Variants in ADAP2 observed in about 807,000 individuals in gnomAD.
The protein encoded by ADAP2 is arf-GAP with dual PH domain-containing protein 2.
A neutral mutation model predicts 54.9 loss-of-function variants in ADAP2; 42 were observed. The observed-to-expected ratio is 0.77, with a 90% CI of 0.60 to 0.99. ADAP2 has a LOEUF of 0.99. ADAP2 is among the 50% of genes least tolerant of loss of function. ADAP2 has a pLI of 0.00. For missense variants in ADAP2, 429 were observed against 480.4 expected, an observed-to-expected ratio of 0.89 and a Z score of 1.00; for synonymous variants, 177 against 180.1, an observed-to-expected ratio of 0.98 and a Z score of 0.14.
intron 4 of ADAP2, among the ~76,000 whole-genome samples, chr17:30,933,634 G>T (rs544407800): frequency 6.6e-6 from 1 of 152,312 alleles, no homozygotes; most frequent in South Asian, 2.1e-4. Flanking sequence ...TGAGTAGCTG[G>T]GATTACAGGC....
At chr17:30,953,185 TC>T in intron 7 of ADAP2, 102 bp from the exon 8 acceptor site, 2 of 972,778 alleles carry the variant, frequency 2.1e-6, no homozygotes, top group Non-Finnish European at 3.3e-6. Flanking sequence ...TGAGCGTACA[TC>T]CTTCCCCATT....
At chr17:30,950,042 T>C (rs1374690788) in intron 7 of ADAP2, among the ~76,000 whole-genome samples, 1 of 152,262 alleles carries the variant, frequency 6.6e-6, no homozygotes, top group Non-Finnish European at 1.5e-5. Flanking sequence ...GAGCCCATTT[T>C]GTCTTGTGAA....
rs923576050 is a variant in ADAP2, at chr17:30,949,273, A to G, written c.658-14A>G. Reference sequence around the variant, plus strand: ...TCACTGCTGTGTGTGTGTCCTGTGCACTTCTCTCCGCAGGAGATAGTGGAC... The same window carrying G: ...TCACTGCTGTGTGTGTGTCCTGTGCGCTTCTCTCCGCAGGAGATAGTGGAC... On this transcript the variant is annotated splice_polypyrimidine_tract_variant and intron_variant, in intron 6 of 10. Transcript: ENST00000330889. The G allele has an allele frequency of 3.1e-6, 5 of 1,611,268 alleles. No homozygotes were observed. The highest frequency in any genetic ancestry group is 2.2e-5 in the East Asian group (1 of 44,818).
At chr17:30,922,869 T>C (rs2142497512) in intron 1 of ADAP2, 71 bp from the exon 2 acceptor site, 2 of 1,558,328 alleles carry the variant, frequency 1.3e-6, no homozygotes, top group South Asian at 2.3e-5. Context: ...CCTGCCCCAG[T>C]GCCCCGAGCC....
Position 30,922,049 on chromosome 17 carries a change from T to C in ADAP2, c.35T>C (p.Leu12Pro). The C allele has an allele frequency of 2.4e-6, 3 of 1,274,796 alleles. No homozygotes were observed. The highest frequency in any genetic ancestry group is 5.6e-5 in the South Asian group (2 of 35,650). The allele number at this position is 1,274,796 out of a possible 1,614,324, so 79.0% of individuals were successfully genotyped here. ...GDRERNKKRL[L>P]ELLRAPDTGN... ...CGCGAGCGCAACAAGAAGCGGCTGC[T>C]GGAGCTGCTGCGGGCGCCGGACACA... is the stretch of plus-strand genomic sequence containing the variant. Residue 12 changes from leucine to proline, a missense_variant, in exon 1 of 11, where the codon CTG (leucine) becomes CCG (proline). Coordinates refer to ENST00000330889, the MANE Select transcript of ADAP2 (RefSeq NM_018404.3).
At chr17:30,943,143 A>T (rs1912393295) in intron 5 of ADAP2, among the ~76,000 whole-genome samples, 1 of 152,232 alleles carries the variant, frequency 6.6e-6, no homozygotes, top group African/African-American at 2.4e-5. Flanking sequence ...AGGCCGGCGG[A>T]TCACCTGAGG....
chr17:30,924,933 T>G (rs1443520942), intron 2 of ADAP2, among the ~76,000 whole-genome samples: 3 of 151,160 alleles, frequency 2.0e-5, no homozygotes. Context: ...AGTGCAATGA[T>G]GCGATCTTGG....
intron 5 of ADAP2, among the ~76,000 whole-genome samples, chr17:30,935,589 A>G (rs779450464): frequency 6.6e-6 from 1 of 152,156 alleles, no homozygotes; most frequent in East Asian, 1.9e-4. Flanking sequence ...GAGCACAGGT[A>G]TGGTCAAACA....
intron 8 of ADAP2, among the ~76,000 whole-genome samples, chr17:30,953,879 AT>A (rs56829330): frequency 0.21 from 30,283 of 146,078 alleles, 9,495 homozygotes; most frequent in African/African-American, 0.68. Flanking sequence ...TATTTTTGCG[AT>A]TTTTTTTTTT....
rs373990335 is a variant in ADAP2 at position 30,934,203 on chromosome 17, T to C, written c.416T>C (p.Leu139Pro). The change falls in exon 5 of 11, where the codon CTG becomes CCG. Residue 139 changes from leucine (L) to proline (P), a missense_variant. Transcript: ENST00000330889. ...ISLPGNREGFLWKRGRDNSQF... is the reference protein window; with the variant it reads ...ISLPGNREGFPWKRGRDNSQF... The stretch of plus-strand genomic sequence containing the variant: ...GCTTAAGGTAACCGAGAAGGATTCC[T>C]GTGGAAGCGAGGAAGGGACAACTCA... 4.4e-5 allele frequency: 71 copies of C among 1,613,952 alleles called. No individual in the cohort carries two copies. Among genetic ancestry groups the C allele is most frequent in the Non-Finnish European group, 5.8e-5 (69 of 1,179,974 alleles).
chr17:30,956,401 A>T lies in ADAP2; in HGVS notation c.1043A>T (p.Glu348Val), dbSNP rs930649492. The T allele has an allele frequency of 5.6e-6, 9 of 1,614,104 alleles. No individual in the cohort carries two copies. In the Admixed American group the frequency reaches 1.0e-4, roughly 18 times the overall value. The change falls in exon 10 of 11, where the codon GAA (glutamate) becomes GTA (valine). Residue 348 changes from glutamate (E) to valine (V), a missense_variant. Glu to Val is a moderately radical substitution (Grantham distance 121). Transcript: ENST00000330889. ...GTCCTCACTTGCCCCAGTGAGAAGG[A>T]ACAGCAGGAATGGCTGGAAAGTTTG... ...RFVLTCPSEKEQQEWLESLRG... is the reference protein window; with the variant it reads ...RFVLTCPSEKVQQEWLESLRG...
chr17:30,922,212 C>T, intron 1 of ADAP2, 104 bp downstream of exon 1: 2 of 860,538 alleles, frequency 2.3e-6, no homozygotes, highest in Non-Finnish European at 3.1e-6. Context: ...GCCCCCTGGA[C>T]CCAGACGTGG....
intron 5 of ADAP2, among the ~76,000 whole-genome samples, chr17:30,938,525 T>C (rs1328748150): frequency 1.3e-5 from 2 of 152,116 alleles, no homozygotes; most frequent in Admixed American, 1.3e-4. Flanking sequence ...AAAGACTGGG[T>C]GAGCGCCATC....
At chr17:30,956,757 G>T (rs368888600) in intron 10 of ADAP2, 7 of 438,852 alleles carry the variant, frequency 1.6e-5, no homozygotes, top group East Asian at 4.4e-5. Context: ...GCGGTGTGGG[G>T]GCTAAGCAGC....
At chr17:30,949,728 G>A (rs1904470413) in intron 7 of ADAP2, among the ~76,000 whole-genome samples, 1 of 133,554 alleles carries the variant, frequency 7.5e-6, no homozygotes, top group African/African-American at 3.2e-5. Flanking sequence ...CAGCCTGGGT[G>A]ACAGAGTGAG....
intron 7 of ADAP2, among the ~76,000 whole-genome samples, chr17:30,952,114 C>G (rs541013506): frequency 1.6e-4 from 24 of 152,256 alleles, no homozygotes; most frequent in African/African-American, 5.8e-4. Context: ...TCTAGACTTT[C>G]CAGGTTGATG....
Position 30,940,309 on chromosome 17 carries a change from A to ATTTT in ADAP2, c.511-4589_511-4586dup, listed in dbSNP as rs111307318. Among the ~76,000 whole-genome samples, 127 of 144,014 alleles carry ATTTT rather than the reference A, an allele frequency of 8.8e-4. 1 individual carries two copies. The highest frequency in any genetic ancestry group is 1.8e-3 in the South Asian group (8 of 4,524). The allele number at this position is 144,014 out of a possible 152,430, so 94.5% of individuals were successfully genotyped here. A position where few individuals can be genotyped will look rare whatever the true frequency, so the allele number is the denominator to read the frequency against. On this transcript the variant is annotated intron_variant, in intron 5 of 10. Coordinates refer to ENST00000330889, the MANE Select transcript of ADAP2 (RefSeq NM_018404.3). ...GAAGAAAGATGGGTACCCTTTACAG[A>ATTTT]TTTTTTTTTTTTCGAGATGGAGTCT...
chr17:30,932,102 T>TG (rs1409751377), intron 4 of ADAP2, 134 bp downstream of exon 4: 2 of 721,488 alleles, frequency 2.8e-6, no homozygotes, highest in African/African-American at 3.6e-5. Flanking sequence ...GGCCAAGGTG[T>TG]GGGTTCTTCT....
At chr17:30,938,630 G>A (rs934979746) in intron 5 of ADAP2, among the ~76,000 whole-genome samples, 5 of 152,152 alleles carry the variant, frequency 3.3e-5, no homozygotes, top group African/African-American at 7.2e-5. Flanking sequence ...GTGAAATTGT[G>A]GCCAACAAAG....
Sources: allele counts gnomAD v4.1 joint callset (sites outside exome capture counted in the v4.1 genomes callset), GRCh38; gene constraint gnomAD v4.1.1; transcripts MANE v1.5; gene names NCBI Gene and HGNC (gene_info 2026-07-23, HGNC 2026-07-21).